The following CAMK2D variants were observed in gnomAD, a reference collection of about 807,000 sequenced individuals.
CAMK2D encodes calcium/calmodulin-dependent protein kinase type II subunit delta.
A neutral mutation model predicts 84.0 loss-of-function variants in CAMK2D; 37 were observed. That is an observed-to-expected ratio of 0.44 (90% confidence interval 0.34 to 0.58). The LOEUF is 0.58. Among genes scored for constraint, CAMK2D ranks in the 20% least tolerant of loss-of-function variants. The pLI is 0.02. For synonymous variants in CAMK2D, 202 were observed against 212.5 expected (o/e 0.95, Z 0.43); for missense variants, 448 against 652.5 (o/e 0.69, Z 3.41).
intron 3 of CAMK2D, among the ~76,000 whole-genome samples, chr4:113,658,281 A>G (rs919024757): frequency 6.6e-6 from 1 of 152,200 alleles, no homozygotes; most frequent in African/African-American, 2.4e-5. Context: ...AGATTCATCA[A>G]TTAAGGTAAG....
chr4:113,498,435 G>A (rs2097974652), intron 16 of CAMK2D, among the ~76,000 whole-genome samples: 1 of 152,130 alleles, frequency 6.6e-6, no homozygotes, highest in South Asian at 2.1e-4. Flanking sequence ...GTCTTACAGA[G>A]AACACAAATG....
chr4:113,675,426 T>C (rs1305151898), intron 2 of CAMK2D, among the ~76,000 whole-genome samples: 2 of 152,152 alleles, frequency 1.3e-5, no homozygotes, highest in Non-Finnish European at 2.9e-5. Flanking sequence ...ACTAGCCAGA[T>C]AAACAAATGG....
intron 2 of CAMK2D, among the ~76,000 whole-genome samples, chr4:113,727,412 T>G (rs557369887): frequency 2.0e-5 from 3 of 152,212 alleles, no homozygotes; most frequent in Admixed American, 1.3e-4. Flanking sequence ...CCAATTAATT[T>G]GACAAAGGCA....
intron 4 of CAMK2D, among the ~76,000 whole-genome samples, chr4:113,601,645 T>C (rs2098952602): frequency 6.8e-6 from 1 of 147,630 alleles, no homozygotes; most frequent in Non-Finnish European, 1.5e-5. Context: ...GTTTGCTATT[T>C]AAAATATAAT....
chr4:113,472,592 G>A (rs1412451232), intron 16 of CAMK2D, among the ~76,000 whole-genome samples: 1 of 152,196 alleles, frequency 6.6e-6, no homozygotes, highest in Admixed American at 6.5e-5. Flanking sequence ...TCAGTTCATT[G>A]AAGTGAAACT....
intron 4 of CAMK2D, among the ~76,000 whole-genome samples, chr4:113,553,257 C>A (rs927224089): frequency 1.3e-5 from 2 of 152,154 alleles, no homozygotes; most frequent in Non-Finnish European, 2.9e-5. Flanking sequence ...GTGACACAGG[C>A]AGGCCATCCA....
rs79230716 is a variant in CAMK2D at position 113,476,395 on chromosome 4, C to T, written c.1136-10791G>A. On this transcript the variant is annotated intron_variant, in intron 16 of 20. Transcript: ENST00000511664. ...ACTGCATTTGCAAAAATTACGACAA[C>T]GAGATAAATGTGACATAACTGACTT... Among the ~76,000 whole-genome samples the T allele has an allele frequency of 7.2e-3, 1,101 of 152,226 alleles. 23 individuals are homozygous for T. The highest frequency in any genetic ancestry group is 0.025 in the African/African-American group (1,044 of 41,526).
intron 4 of CAMK2D, among the ~76,000 whole-genome samples, chr4:113,606,820 A>G (rs2098979731): frequency 6.6e-6 from 1 of 152,194 alleles, no homozygotes; most frequent in African/African-American, 2.4e-5. Context: ...ATCCAAGCCA[A>G]GCAAGATACA....
At chr4:113,673,462 G>A (rs960029719) in intron 2 of CAMK2D, among the ~76,000 whole-genome samples, 1 of 152,190 alleles carries the variant, frequency 6.6e-6, no homozygotes. Context: ...AATCCCAAAA[G>A]TGGGGTGTAA....
intron 2 of CAMK2D, among the ~76,000 whole-genome samples, chr4:113,757,678 T>A (rs1341182010): frequency 6.6e-6 from 1 of 152,224 alleles, no homozygotes; most frequent in African/African-American, 2.4e-5. Context: ...GTAAAAAGCT[T>A]TGGGACATGT....
At chr4:113,707,771 A>G (rs1471487212) in intron 2 of CAMK2D, among the ~76,000 whole-genome samples, 1 of 152,200 alleles carries the variant, frequency 6.6e-6, no homozygotes, top group Non-Finnish European at 1.5e-5. Context: ...GTGAGGCAAT[A>G]GGTAAGATTT....
intron 3 of CAMK2D, among the ~76,000 whole-genome samples, chr4:113,638,235 C>T (rs527579182): frequency 5.9e-5 from 9 of 152,178 alleles, no homozygotes; most frequent in African/African-American, 1.4e-4. Flanking sequence ...TGAACAGGAA[C>T]ACAGAAACAG....
Position 113,457,496 on chromosome 4 carries a change from A to T in CAMK2D, c.1374T>A (p.Asp458Glu). ...TAATATATGCTATGCAGGCGGCATCATCCCCTACCAGATGTACATGAGGGT... is the reference window on the plus strand; with the variant it reads ...TAATATATGCTATGCAGGCGGCATCTTCCCCTACCAGATGTACATGAGGGT... ...ILNPHVHLVG[D>E]DAACIAYIRL... Residue 458 changes from aspartate (D) to glutamate (E), a missense_variant, in exon 19 of 21, where the codon GAT becomes GAA. Transcript: ENST00000511664. 6.2e-6 allele frequency: 10 copies of T among 1,613,638 alleles called. No individual in the cohort carries two copies. The highest frequency in any genetic ancestry group is 8.5e-6 in the Non-Finnish European group (10 of 1,179,560).
chr4:113,521,645 G>C (rs116300253), intron 8 of CAMK2D, among the ~76,000 whole-genome samples: 2 of 152,106 alleles, frequency 1.3e-5, no homozygotes, highest in African/African-American at 4.8e-5. Context: ...AGAGACCTAA[G>C]AGACCAAACA....
chr4:113,637,498 G>C (rs1014697130), intron 3 of CAMK2D, among the ~76,000 whole-genome samples: 3 of 152,162 alleles, frequency 2.0e-5, no homozygotes, highest in African/African-American at 7.2e-5. Context: ...TCATAAACTT[G>C]TGAGTCCTTA....
At chr4:113,565,989 TTCA>T (rs2098721962) in intron 4 of CAMK2D, among the ~76,000 whole-genome samples, 1 of 152,224 alleles carries the variant, frequency 6.6e-6, no homozygotes, top group Admixed American at 6.5e-5. Flanking sequence ...TCTACATATT[TTCA>T]TCATTGTAAA....
chr4:113,734,344 T>C, intron 2 of CAMK2D, among the ~76,000 whole-genome samples: 1 of 152,186 alleles, frequency 6.6e-6, no homozygotes, highest in East Asian at 1.9e-4. Context: ...TTTGATCTAG[T>C]TCAGAGTGTA....
chr4:113,516,510 T>C (rs1326346192), intron 9 of CAMK2D, among the ~76,000 whole-genome samples: 3 of 152,216 alleles, frequency 2.0e-5, no homozygotes, highest in African/African-American at 7.2e-5. Context: ...GTGAATGTGC[T>C]AGCTATTGCC....
rs1006767816 is a variant in CAMK2D, at chr4:113,690,141, A to G, written c.161-28369T>C. 2.0e-5 allele frequency among the ~76,000 whole-genome samples: 3 copies of G among 152,224 alleles called. No individual in the cohort carries two copies. The South Asian group carries it at 6.2e-4, about 32-fold the overall frequency. On this transcript the variant is annotated intron_variant, in intron 2 of 20. Coordinates refer to ENST00000511664, the MANE Select transcript of CAMK2D (RefSeq NM_001321571.2). ...TCAAACAAAGAAAAGAACAAAACTTAGCAAACCTCAAAATTTGATGACCAA... is the reference window on the plus strand; with the variant it reads ...TCAAACAAAGAAAAGAACAAAACTTGGCAAACCTCAAAATTTGATGACCAA...
Sources: allele counts gnomAD v4.1 joint callset (sites outside exome capture counted in the v4.1 genomes callset), GRCh38; gene constraint gnomAD v4.1.1; transcripts MANE v1.5; gene names NCBI Gene and HGNC (gene_info 2026-07-23, HGNC 2026-07-21).